Variants in BRINP3 observed in about 807,000 individuals in gnomAD.
BRINP3 encodes BMP/retinoic acid-inducible neural-specific protein 3.
In BRINP3, 19 loss-of-function variants were observed where a neutral mutation model predicts 71.0. The ratio of observed to expected loss-of-function variants is 0.27; its 90% CI spans 0.19 to 0.39. The LOEUF is 0.39. BRINP3 is among the 10% of genes least tolerant of loss of function. The probability of loss-of-function intolerance (pLI) is 1.00; values close to 1 mark genes in which losing one functional copy is unlikely to be tolerated. For synonymous variants in BRINP3, 380 were observed against 337.7 expected (o/e 1.13, Z -1.37); for missense variants, 959 against 940.8 (o/e 1.02, Z -0.25).
chr1:190,393,039 G>T (rs1671347883), intron 2 of BRINP3, among the ~76,000 whole-genome samples: 1 of 151,470 alleles, frequency 6.6e-6, no homozygotes, highest in Non-Finnish European at 1.5e-5. Flanking sequence ...ATATACCCAT[G>T]AATATCTAGA....
chr1:190,321,064 T>C (rs1412378885), intron 2 of BRINP3, among the ~76,000 whole-genome samples: 1 of 151,996 alleles, frequency 6.6e-6, no homozygotes, highest in African/African-American at 2.4e-5. Flanking sequence ...AGACAGATGT[T>C]AAGAAAAATA....
At chr1:190,292,928 T>C (rs1318451720) in intron 2 of BRINP3, among the ~76,000 whole-genome samples, 1 of 152,090 alleles carries the variant, frequency 6.6e-6, no homozygotes, top group East Asian at 1.9e-4. Context: ...CTTATATGTG[T>C]CTTCTTCCTT....
chr1:190,200,818 G>A (rs747124655), intron 6 of BRINP3, among the ~76,000 whole-genome samples: 6 of 151,894 alleles, frequency 4.0e-5, no homozygotes, highest in Admixed American at 6.6e-5. Flanking sequence ...TTTGCCTGCC[G>A]CCATCCACAT....
intron 1 of BRINP3, among the ~76,000 whole-genome samples, chr1:190,462,775 C>G (rs555795481): frequency 3.4e-4 from 51 of 152,118 alleles, no homozygotes; most frequent in African/African-American, 1.2e-3. Context: ...TTGTACTCTA[C>G]TGTAACCTAA....
intron 6 of BRINP3, among the ~76,000 whole-genome samples, chr1:190,181,914 T>G (rs538416000): frequency 6.6e-6 from 1 of 152,176 alleles, no homozygotes; most frequent in Non-Finnish European, 1.5e-5. Flanking sequence ...GACAAAATTA[T>G]CTTAGTTTTC....
At chr1:190,121,083 T>C (rs1053797294) in intron 7 of BRINP3, among the ~76,000 whole-genome samples, 6 of 152,104 alleles carry the variant, frequency 3.9e-5, no homozygotes, top group East Asian at 1.9e-4. Context: ...TAAAATTATC[T>C]ATGAAATCAT....
chr1:190,215,879 G>A (rs1656369584), intron 6 of BRINP3, among the ~76,000 whole-genome samples: 1 of 151,770 alleles, frequency 6.6e-6, no homozygotes, highest in African/African-American at 2.4e-5. Context: ...TTTTTCCAAA[G>A]AGTAAAATGT....
intron 2 of BRINP3, among the ~76,000 whole-genome samples, chr1:190,307,124 G>T (rs937906568): frequency 1.3e-5 from 2 of 151,352 alleles, no homozygotes; most frequent in African/African-American, 4.9e-5. Flanking sequence ...AGTTGGGATT[G>T]GTTCAGTGAC....
intron 6 of BRINP3, among the ~76,000 whole-genome samples, chr1:190,185,619 A>C (rs1653442736): frequency 6.6e-6 from 1 of 152,154 alleles, no homozygotes; most frequent in African/African-American, 2.4e-5. Context: ...AAGGTGCAAA[A>C]TTAGTAGAAA....
intron 2 of BRINP3, among the ~76,000 whole-genome samples, chr1:190,333,650 G>A (rs1032209504): frequency 6.6e-6 from 1 of 151,780 alleles, no homozygotes; most frequent in African/African-American, 2.4e-5. Flanking sequence ...ATAGCTTGTA[G>A]GACTGAAAGT....
chr1:190,263,737 C>T (rs1164427047), intron 4 of BRINP3, among the ~76,000 whole-genome samples: 2 of 151,806 alleles, frequency 1.3e-5, no homozygotes, highest in African/African-American at 2.4e-5. Context: ...TACAGGTTCC[C>T]GGCACCACAC....
At chr1:190,397,387 C>T (rs1032675253) in intron 2 of BRINP3, among the ~76,000 whole-genome samples, 2 of 151,872 alleles carry the variant, frequency 1.3e-5, no homozygotes, top group East Asian at 1.9e-4. Context: ...TTCTGCATTT[C>T]CCATACCTGT....
chr1:190,331,766 A>G (rs1666980041), intron 2 of BRINP3, among the ~76,000 whole-genome samples: 1 of 114,292 alleles, frequency 8.7e-6, no homozygotes, highest in Non-Finnish European at 1.7e-5. Context: ...GTAAGAATTA[A>G]CTCATACTTA....
At chr1:190,351,164 G>A (rs986690299) in intron 2 of BRINP3, among the ~76,000 whole-genome samples, 1 of 151,992 alleles carries the variant, frequency 6.6e-6, no homozygotes, top group Non-Finnish European at 1.5e-5. Context: ...GACAAAGAAT[G>A]TCACTTAAGA....
chr1:190,329,910 G>A (rs1666854723), intron 2 of BRINP3, among the ~76,000 whole-genome samples: 1 of 151,776 alleles, frequency 6.6e-6, no homozygotes, highest in Non-Finnish European at 1.5e-5. Context: ...CTAATATATG[G>A]TGCTGGGACA....
At chr1:190,367,902 A>T (rs1266374007) in intron 2 of BRINP3, among the ~76,000 whole-genome samples, 1 of 152,120 alleles carries the variant, frequency 6.6e-6, no homozygotes, top group Non-Finnish European at 1.5e-5. Flanking sequence ...ACTTTCCCAC[A>T]TCTTCCTGTC....
chr1:190,275,731 A>G (rs976163385), intron 3 of BRINP3, among the ~76,000 whole-genome samples: 3 of 151,674 alleles, frequency 2.0e-5, no homozygotes, highest in Admixed American at 6.6e-5. Context: ...ATGTTCTAGA[A>G]CTTAACATTT....
At chr1:190,396,713 G>GATAGATATATATATATATATATAT (rs1553310923) in intron 2 of BRINP3, among the ~76,000 whole-genome samples, 5 of 101,006 alleles carry the variant, frequency 5.0e-5, no homozygotes, top group African/African-American at 1.9e-4. Context: ...CTAATTTAAT[G>GATAGATATATATATATATATATAT]ATATATATAT....
chr1:190,234,368 A>T lies in BRINP3; in HGVS notation c.724+4T>A, dbSNP rs1658315377. 6.2e-7 allele frequency: 1 copy of T among 1,600,930 alleles called. No homozygotes were observed. On this transcript the variant is annotated splice_donor_region_variant and intron_variant, in intron 5 of 7. Transcript: ENST00000367462. The stretch of plus-strand genomic sequence containing the variant: ...AGAGAATTAATGAAATTTTACCAAC[A>T]TACCTTGCAACTGAATCTTATTCTC...
Sources: gnomAD v4.1 joint callset for allele counts (sites outside exome capture counted in the v4.1 genomes callset) on GRCh38, gnomAD v4.1.1 for gene constraint, MANE v1.5 for transcripts, NCBI Gene and HGNC (gene_info 2026-07-23, HGNC 2026-07-21) for gene names.